Variants in PRKCA observed in about 807,000 individuals in gnomAD.
PRKCA encodes protein kinase C alpha type.
A neutral mutation model predicts 87.0 loss-of-function variants in PRKCA; 27 were observed. The observed-to-expected ratio is 0.31, with a 90% confidence interval of 0.23 to 0.43. The LOEUF (loss-of-function observed/expected upper bound fraction) is 0.43. Ranked by LOEUF, PRKCA falls within the 20% of genes least tolerant of loss-of-function variation. The pLI is 1.00. For synonymous variants in PRKCA, 329 were observed against 311.1 expected (o/e 1.06, Z -0.61); for missense variants, 518 against 852.3 (o/e 0.61, Z 4.88).
intron 3 of PRKCA, among the ~76,000 whole-genome samples, chr17:66,560,935 C>T (rs1199958127): frequency 1.3e-5 from 2 of 152,120 alleles, no homozygotes; most frequent in Admixed American, 6.5e-5. Flanking sequence ...GGCTGTCTTC[C>T]CAAGTCAGCG....
intron 3 of PRKCA, among the ~76,000 whole-genome samples, chr17:66,630,092 A>G (rs1970969219): frequency 6.6e-6 from 1 of 152,214 alleles, no homozygotes; most frequent in African/African-American, 2.4e-5. Flanking sequence ...GCTATTCCTC[A>G]AAAGATTACT....
chr17:66,514,442 A>G (rs1966896046), intron 3 of PRKCA, among the ~76,000 whole-genome samples: 2 of 152,142 alleles, frequency 1.3e-5, no homozygotes, highest in Admixed American at 6.5e-5. Context: ...GCTGCATGCT[A>G]AGTGTGTCAT....
intron 8 of PRKCA, among the ~76,000 whole-genome samples, chr17:66,713,737 T>TA (rs979358963): frequency 6.6e-6 from 1 of 152,206 alleles, no homozygotes; most frequent in African/African-American, 2.4e-5. Context: ...GGTCATGAGC[T>TA]AATCTTTACC....
chr17:66,610,311 C>T (rs117088754), intron 3 of PRKCA, among the ~76,000 whole-genome samples: 1,728 of 152,270 alleles, frequency 0.011, 16 homozygotes, highest in Non-Finnish European at 0.016. Flanking sequence ...CTCCCCGGAC[C>T]CACCATCAAC....
chr17:66,408,881 G>A (rs1335311711), intron 2 of PRKCA, among the ~76,000 whole-genome samples: 1 of 151,622 alleles, frequency 6.6e-6, no homozygotes, highest in African/African-American at 2.4e-5. Flanking sequence ...ATGAAACCCT[G>A]TCTCTACTAA....
chr17:66,577,667 G>A (rs1969281981), intron 3 of PRKCA, among the ~76,000 whole-genome samples: 1 of 152,192 alleles, frequency 6.6e-6, no homozygotes, highest in Non-Finnish European at 1.5e-5. Context: ...TTATATGGAA[G>A]TGAACTATAT....
intron 15 of PRKCA, among the ~76,000 whole-genome samples, chr17:66,788,496 A>C (rs1445690159): frequency 6.6e-6 from 1 of 151,672 alleles, no homozygotes; most frequent in South Asian, 2.1e-4. Context: ...TAGTGATTGC[A>C]TGCTTTTTTT....
chr17:66,469,933 A>C (rs1915249296), intron 2 of PRKCA, among the ~76,000 whole-genome samples: 1 of 152,200 alleles, frequency 6.6e-6, no homozygotes, highest in Non-Finnish European at 1.5e-5. Context: ...TGCGAAGGAA[A>C]CAGTTGGGTT....
At chr17:66,660,956 T>G (rs535057839) in intron 5 of PRKCA, among the ~76,000 whole-genome samples, 45 of 151,992 alleles carry the variant, frequency 3.0e-4, no homozygotes, top group African/African-American at 1.0e-3. Context: ...ACCAACCCAC[T>G]CAGGTAGAAG....
chr17:66,584,567 G>C (rs1355754579), intron 3 of PRKCA, among the ~76,000 whole-genome samples: 1 of 152,064 alleles, frequency 6.6e-6, no homozygotes, highest in Non-Finnish European at 1.5e-5. Context: ...TTATATTACA[G>C]TTCAGGAGCC....
chr17:66,765,496 T>TA (rs1568021168), intron 13 of PRKCA, among the ~76,000 whole-genome samples: 2 of 136,132 alleles, frequency 1.5e-5, no homozygotes, highest in East Asian at 4.1e-4. Flanking sequence ...ATATTTGTCT[T>TA]TATATATATA....
chr17:66,646,658 A>G (rs185390696), intron 5 of PRKCA, among the ~76,000 whole-genome samples: 3 of 152,272 alleles, frequency 2.0e-5, no homozygotes, highest in South Asian at 2.1e-4. Flanking sequence ...CTGTTTTAAG[A>G]AAAAAAGGGG....
chr17:66,318,338 A>AT lies in PRKCA; in HGVS notation c.205+12220dup, dbSNP rs910530591. Among the ~76,000 whole-genome samples the AT allele has an allele frequency of 3.7e-3, 566 of 151,756 alleles. 1 individual carries two copies. Among genetic ancestry groups the AT allele is most frequent in the African/African-American group, 0.013 (519 of 41,404 alleles). On this transcript the variant is annotated intron_variant, in intron 2 of 16. Transcript: ENST00000413366. ...AACAGTTTAGAAACATGGAGGAATG[A>AT]TTTTTTTTTAATTTTTAGGTGCTAA...
At position 66,640,038 on chromosome 17, in the gene PRKCA, C is replaced by A. The variant is rs146455151; in HGVS notation, c.289-1317C>A. ...AATTGAATAAATAAATAAGCAGAGG[C>A]CCCAGAAGCAGAGGCGCTTATCTGC... On this transcript the variant is annotated intron_variant, in intron 3 of 16. Transcript: ENST00000413366. Among the ~76,000 whole-genome samples, 9 of 152,112 alleles carry A rather than the reference C, an allele frequency of 5.9e-5. No homozygotes were observed. The East Asian group carries it at 1.6e-3, about 26-fold the overall frequency.
rs370051258 is a variant in PRKCA at position 66,471,320 on chromosome 17, A to G, written c.206-24881A>G. On this transcript the variant is annotated intron_variant, in intron 2 of 16. Coordinates refer to ENST00000413366, the MANE Select transcript of PRKCA (RefSeq NM_002737.3). ...GGCAATGCCATAGATTTTAACTGCA[A>G]CTGACAACTTGTACTTCTAAGAGAG... Among the ~76,000 whole-genome samples the G allele has an allele frequency of 9.8e-5, 15 of 152,330 alleles. No homozygotes were observed. The East Asian group carries it at 2.5e-3, about 25-fold the overall frequency.
chr17:66,638,120 A>ATG (rs1424012345), intron 3 of PRKCA, among the ~76,000 whole-genome samples: 21 of 134,176 alleles, frequency 1.6e-4, no homozygotes, highest in Non-Finnish European at 3.2e-4. Flanking sequence ...ATATATATAT[A>ATG]TATATGTGTG....
chr17:66,773,638 G>C (rs1338375549), intron 13 of PRKCA, among the ~76,000 whole-genome samples: 1 of 151,856 alleles, frequency 6.6e-6, no homozygotes, highest in East Asian at 1.9e-4. Flanking sequence ...AGAGGTGTGA[G>C]CTGCTGCACC....
At chr17:66,329,676 A>G (rs1333468667) in intron 2 of PRKCA, among the ~76,000 whole-genome samples, 1 of 152,196 alleles carries the variant, frequency 6.6e-6, no homozygotes, top group Non-Finnish European at 1.5e-5. Flanking sequence ...CCCTACTGCC[A>G]TAGGTAGGAC....
At chr17:66,378,047 G>A (rs889353587) in intron 2 of PRKCA, among the ~76,000 whole-genome samples, 2 of 152,166 alleles carry the variant, frequency 1.3e-5, no homozygotes, top group African/African-American at 4.8e-5. Context: ...TCTAGGCTGG[G>A]TGTGGTGGCT....
Sources: gnomAD v4.1 joint callset for allele counts (sites outside exome capture counted in the v4.1 genomes callset) on GRCh38, gnomAD v4.1.1 for gene constraint, MANE v1.5 for transcripts, NCBI Gene and HGNC (gene_info 2026-07-23, HGNC 2026-07-21) for gene names.